Variants in ZCCHC7 observed in about 807,000 individuals in gnomAD.
ZCCHC7 encodes the protein zinc finger CCHC-type containing 7.
ZCCHC7 carries 35 observed loss-of-function variants against 52.0 expected under a neutral mutation model. The observed-to-expected ratio is 0.67, with a 90% CI of 0.51 to 0.89. ZCCHC7 has a LOEUF of 0.89. Ranked by LOEUF, ZCCHC7 falls within the 40% of genes least tolerant of loss-of-function variation. The pLI is 0.00. For synonymous variants in ZCCHC7, 217 were observed against 221.5 expected, an observed-to-expected ratio of 0.98 and a Z score of 0.18; for missense variants, 574 against 649.1, an observed-to-expected ratio of 0.88 and a Z score of 1.26.
intron 2 of ZCCHC7, among the ~76,000 whole-genome samples, chr9:37,179,987 A>G (rs555854388): frequency 2.0e-5 from 3 of 152,294 alleles, no homozygotes; most frequent in Non-Finnish European, 2.9e-5. Flanking sequence ...GGCATTTTTC[A>G]TCAAGTGATT....
At chr9:37,293,295 A>G (rs904049570) in intron 2 of ZCCHC7, among the ~76,000 whole-genome samples, 2 of 152,192 alleles carry the variant, frequency 1.3e-5, no homozygotes, top group African/African-American at 4.8e-5. Context: ...TCACCAAGGA[A>G]CAAGTAAGCA....
intron 2 of ZCCHC7, among the ~76,000 whole-genome samples, chr9:37,218,127 A>G (rs545375903): frequency 6.6e-6 from 1 of 152,330 alleles, no homozygotes; most frequent in South Asian, 2.1e-4. Context: ...GTTTCATAAC[A>G]AGGATCACGA....
intron 3 of ZCCHC7, among the ~76,000 whole-genome samples, chr9:37,303,943 A>T (rs1242993058): frequency 1.3e-5 from 2 of 151,978 alleles, no homozygotes; most frequent in African/African-American, 4.8e-5. Flanking sequence ...GATTACAGGC[A>T]TGAGCCACCA....
intron 2 of ZCCHC7, among the ~76,000 whole-genome samples, chr9:37,291,527 T>C (rs1828536167): frequency 6.6e-6 from 1 of 152,218 alleles, no homozygotes; most frequent in African/African-American, 2.4e-5. Context: ...CTGGTTTCTA[T>C]CAAATGGGCA....
chr9:37,267,117 C>G (rs1193399127), intron 2 of ZCCHC7, among the ~76,000 whole-genome samples: 1 of 152,114 alleles, frequency 6.6e-6, no homozygotes, highest in Non-Finnish European at 1.5e-5. Flanking sequence ...AGATGGGTTG[C>G]AAAGTTTATT....
chr9:37,249,047 C>T (rs7872859), intron 2 of ZCCHC7, among the ~76,000 whole-genome samples: 1,972 of 152,228 alleles, frequency 0.013, 44 homozygotes, highest in African/African-American at 0.045. Context: ...AGAACATTGT[C>T]TTCCCATAAA....
In ZCCHC7 at chr9:37,126,642, A is replaced by G. The variant is rs756491089; in HGVS notation, c.310A>G (p.Lys104Glu). 1.9e-6 allele frequency: 3 copies of G among 1,614,172 alleles called. No individual in the cohort carries two copies. Among genetic ancestry groups the G allele is most frequent in the Non-Finnish European group, 2.5e-6 (3 of 1,180,032 alleles). ...TGATGAAGACAGTATTTATAGATGT[A>G]AAGGAAAGAATGTTAGAGTTCAAGC... Reference protein sequence around the residue: ...LSDEDSIYRCKGKNVRVQAQE... With the variant: ...LSDEDSIYRCEGKNVRVQAQE... Residue 104 changes from lysine to glutamate, a missense_variant, in exon 2 of 9, where the codon AAA (lysine) becomes GAA (glutamate). Transcript: ENST00000336755.
intron 2 of ZCCHC7, among the ~76,000 whole-genome samples, chr9:37,130,940 C>CATTT (rs1038615398): frequency 4.6e-5 from 7 of 152,182 alleles, no homozygotes; most frequent in African/African-American, 1.7e-4. Context: ...ACATATTTTA[C>CATTT]ATTTACTATT....
intron 2 of ZCCHC7, among the ~76,000 whole-genome samples, chr9:37,268,764 T>G (rs1398156507): frequency 1.3e-5 from 2 of 152,232 alleles, no homozygotes; most frequent in East Asian, 3.8e-4. Context: ...AATGCTGTTC[T>G]CAGCTGTGAA....
At chr9:37,236,417 T>C (rs981704331) in intron 2 of ZCCHC7, among the ~76,000 whole-genome samples, 2 of 152,032 alleles carry the variant, frequency 1.3e-5, no homozygotes, top group Admixed American at 1.3e-4. Context: ...ATCAGATTTT[T>C]TTTTTGCTCT....
chr9:37,144,818 C>G (rs1021790244), intron 2 of ZCCHC7: 4 of 151,902 alleles, frequency 2.6e-5, no homozygotes, highest in African/African-American at 9.7e-5. Flanking sequence ...TCTAATTTGA[C>G]CTGTTACTGT....
intron 6 of ZCCHC7, among the ~76,000 whole-genome samples, chr9:37,338,229 A>T (rs1830765253): frequency 6.6e-6 from 1 of 152,184 alleles, no homozygotes; most frequent in Non-Finnish European, 1.5e-5. Context: ...TAATAAGCTT[A>T]ATAGCTCATT....
chr9:37,304,118 C>CTTA, intron 3 of ZCCHC7, 70 bp from the exon 4 acceptor site: 4 of 1,467,362 alleles, frequency 2.7e-6, no homozygotes, highest in Non-Finnish European at 3.7e-6. Context: ...TTGTCTTTAA[C>CTTA]AAGAGTAGTA....
intron 5 of ZCCHC7, among the ~76,000 whole-genome samples, chr9:37,307,571 T>A (rs1156779859): frequency 2.6e-5 from 4 of 152,150 alleles, no homozygotes; most frequent in Non-Finnish European, 4.4e-5. Context: ...TTCCCCAAAG[T>A]CATGATACGA....
At chr9:37,337,227 A>T (rs1445753306) in intron 6 of ZCCHC7, among the ~76,000 whole-genome samples, 6 of 152,200 alleles carry the variant, frequency 3.9e-5, no homozygotes, top group Admixed American at 3.9e-4. Flanking sequence ...CTGGCTGGCA[A>T]ACTGAAGGAG....
rs1262809093 is a variant in ZCCHC7, at chr9:37,127,567, T to A, written c.610+625T>A. Among the ~76,000 whole-genome samples, 3 of 152,180 alleles carry A rather than the reference T, an allele frequency of 2.0e-5. No homozygotes were observed. The East Asian group carries it at 5.8e-4, about 29-fold the overall frequency. On this transcript the variant is annotated intron_variant, in intron 2 of 8. Coordinates refer to ENST00000336755, the MANE Select transcript of ZCCHC7 (RefSeq NM_032226.3). The stretch of plus-strand genomic sequence containing the variant: ...TTAGTTATGTCTCTGTGACATGTAG[T>A]CATCTAGTCTTAATGCTTATGCCTT...
At position 37,354,750 on chromosome 9, in the gene ZCCHC7, C is replaced by A; in HGVS notation, c.1124C>A (p.Ser375Tyr). The A allele has an allele frequency of 6.2e-7, 1 of 1,613,410 alleles. No individual in the cohort carries two copies. The highest frequency in any genetic ancestry group is 8.5e-7 in the Non-Finnish European group (1 of 1,179,442). Residue 375 changes from serine (S) to tyrosine (Y), a missense_variant, in exon 8 of 9, where the codon TCT becomes TAT. Physicochemically the swap from Ser to Tyr is moderately radical, Grantham distance 144. Transcript: ENST00000336755. This position sits in a 1 kb window ranked among gnomAD's most constrained non-coding sequence, Gnocchi z 4.0. ...EREVYDPSPV[S>Y]PFICYYDDKY... ...GAAGTGTATGACCCGTCTCCAGTAT[C>A]TCCATTCATCTGCTACTATGATGAC...
At chr9:37,271,910 G>C (rs930275669) in intron 2 of ZCCHC7, among the ~76,000 whole-genome samples, 6 of 152,184 alleles carry the variant, frequency 3.9e-5, no homozygotes, top group African/African-American at 1.4e-4. Flanking sequence ...AATTTTTGCA[G>C]ATAAAATGTT....
intron 2 of ZCCHC7, among the ~76,000 whole-genome samples, chr9:37,231,169 C>T (rs1377844264): frequency 6.6e-6 from 1 of 152,192 alleles, no homozygotes; most frequent in African/African-American, 2.4e-5. Flanking sequence ...TGGTCTTGAA[C>T]TCCTGACCTC....
Sources: gnomAD v4.1 joint callset for allele counts (sites outside exome capture counted in the v4.1 genomes callset) on GRCh38, gnomAD v4.1.1 for gene constraint, Gnocchi (gnomAD v3.1) non-coding constraint, MANE v1.5 for transcripts, NCBI Gene and HGNC (gene_info 2026-07-23, HGNC 2026-07-21) for gene names.